RELN: variants seen among roughly 807,000 people sequenced by gnomAD.
The protein encoded by RELN is reelin.
RELN carries 108 observed loss-of-function variants against 427.6 expected under a neutral mutation model. The ratio of observed to expected loss-of-function variants is 0.25; its 90% CI spans 0.22 to 0.30. RELN has a LOEUF of 0.30. Ranked by LOEUF, RELN falls within the 10% of genes least tolerant of loss-of-function variation. RELN has a pLI of 1.00. For synonymous variants in RELN, 1,524 were observed against 1,513.4 expected (o/e 1.01, Z -0.16); for missense variants, 3,715 against 4,302.8 (o/e 0.86, Z 3.82).
chr7:103,987,174 C>T (rs968373509), intron 1 of RELN, among the ~76,000 whole-genome samples: 1 of 151,406 alleles, frequency 6.6e-6, no homozygotes, highest in Non-Finnish European at 1.5e-5. Context: ...TAAAATCTGA[C>T]ACAATTCTCA....
At position 103,630,060 on chromosome 7, in the gene RELN, A is replaced by G; in HGVS notation, c.2582T>C (p.Met861Thr). The stretch of plus-strand genomic sequence containing the variant: ...AATGCTGTTGAAAAGCACAGATGTC[A>G]TGATAATCTCATCAATAGCCCATAC... Reference protein sequence around the residue: ...EDVWAIDEIIMTSVLFNSISL... With the variant: ...EDVWAIDEIITTSVLFNSISL... Residue 861 changes from methionine (M) to threonine (T), a missense_variant, in exon 20 of 65, where the codon ATG (methionine) becomes ACG (threonine). Around this residue, in one of 4 missense-constraint regions of RELN, gnomAD observed 2,208 missense variants for 2,361.7 expected, o/e 0.93. Coordinates refer to ENST00000428762, the MANE Select transcript of RELN (RefSeq NM_005045.4). The G allele has an allele frequency of 6.2e-7, 1 of 1,613,278 alleles. No individual in the cohort carries two copies. The highest frequency in any genetic ancestry group is 8.5e-7 in the Non-Finnish European group (1 of 1,179,250).
At chr7:103,826,127 T>G (rs2116386434) in intron 3 of RELN, among the ~76,000 whole-genome samples, 1 of 151,546 alleles carries the variant, frequency 6.6e-6, no homozygotes, top group Non-Finnish European at 1.5e-5. Context: ...TCCTTTCTTC[T>G]TTCAGGTATG....
intron 6 of RELN, among the ~76,000 whole-genome samples, chr7:103,743,471 T>C (rs952405054): frequency 6.6e-6 from 1 of 152,044 alleles, no homozygotes; most frequent in African/African-American, 2.4e-5. Context: ...GACTGGCAAA[T>C]TGGATAAAGA....
chr7:103,510,877 T>G lies in RELN; in HGVS notation c.8248A>C (p.Thr2750Pro), dbSNP rs1168374024. Residue 2750 changes from threonine to proline, a missense_variant, in exon 51 of 65, where the codon ACT becomes CCT. By Grantham distance (38) the Thr-to-Pro change is conservative. Transcript: ENST00000428762. Reference protein sequence around the residue: ...VYAVTHDLTPTEGWIMQFKIS... With the variant: ...VYAVTHDLTPPEGWIMQFKIS... ...TTGAATTGCATAATCCAGCCTTCAGTGGGAGTCAGGTCATGGGTCACTGCA... is the reference window on the plus strand; with the variant it reads ...TTGAATTGCATAATCCAGCCTTCAGGGGGAGTCAGGTCATGGGTCACTGCA... The G allele has an allele frequency of 5.0e-6, 8 of 1,613,828 alleles. No homozygotes were observed. Among genetic ancestry groups the G allele is most frequent in the Non-Finnish European group, 6.8e-6 (8 of 1,179,768 alleles).
intron 34 of RELN, among the ~76,000 whole-genome samples, chr7:103,564,638 A>T (rs530689982): frequency 6.6e-6 from 1 of 151,940 alleles, no homozygotes; most frequent in African/African-American, 2.4e-5. Context: ...GAGGCTGGGA[A>T]ATGCAGCCTG....
rs972276499 is a variant in RELN, at chr7:103,719,430, T to C, written c.805+3710A>G. Among the ~76,000 whole-genome samples, 3 of 152,174 alleles carry C rather than the reference T, an allele frequency of 2.0e-5. 1 individual carries two copies. The highest frequency in any genetic ancestry group is 7.2e-5 in the African/African-American group (3 of 41,454). ...GACATATACACAGACCCACCCTGTT[T>C]ACAACAATGCCGTTTTCTAGAGATT... On this transcript the variant is annotated intron_variant, in intron 8 of 64. Coordinates refer to ENST00000428762, the MANE Select transcript of RELN (RefSeq NM_005045.4).
Position 103,773,321 on chromosome 7 carries a change from G to GTC in RELN, c.544+3234_544+3235dup, listed in dbSNP as rs201548521. 2.0e-4 allele frequency among the ~76,000 whole-genome samples: 4 copies of GTC among 19,862 alleles called. 1 individual carries two copies. The highest frequency in any genetic ancestry group is 3.3e-4 in the Non-Finnish European group (4 of 12,108). The allele number at this position is 19,862 out of a possible 152,430, so 13.0% of individuals were successfully genotyped here. A position where few individuals can be genotyped will look rare whatever the true frequency, so the allele number is the denominator to read the frequency against. ...TCTCTCTCCCTCCCTCGCTCCCTCC[G>GTC]TCTCTCTCTCTCCCTCGCTTCCTCT... On this transcript the variant is annotated intron_variant, in intron 4 of 64. Transcript: ENST00000428762.
At chr7:103,627,613 ACT>A (rs1266703042) in intron 20 of RELN, among the ~76,000 whole-genome samples, 1 of 152,124 alleles carries the variant, frequency 6.6e-6, no homozygotes, top group Non-Finnish European at 1.5e-5. Context: ...ACCAGGGTAT[ACT>A]CTCTGTTGTT....
intron 8 of RELN, among the ~76,000 whole-genome samples, chr7:103,702,721 T>G (rs1453386324): frequency 6.6e-6 from 1 of 152,204 alleles, no homozygotes; most frequent in Non-Finnish European, 1.5e-5. Context: ...TTTTGTTGAA[T>G]GCATCTCTTC....
intron 3 of RELN, among the ~76,000 whole-genome samples, chr7:103,818,326 A>G (rs981850679): frequency 6.6e-6 from 1 of 152,232 alleles, no homozygotes; most frequent in Non-Finnish European, 1.5e-5. Context: ...TTGAAATCCA[A>G]CAATGAAACA....
At chr7:103,689,349 A>T (rs1297255634) in intron 10 of RELN, among the ~76,000 whole-genome samples, 2 of 152,094 alleles carry the variant, frequency 1.3e-5, no homozygotes, top group Non-Finnish European at 2.9e-5. Flanking sequence ...TCTCATAGTG[A>T]TCTGCGTTTA....
At chr7:103,856,174 A>G (rs1793939078) in intron 2 of RELN, among the ~76,000 whole-genome samples, 1 of 152,202 alleles carries the variant, frequency 6.6e-6, no homozygotes, top group Non-Finnish European at 1.5e-5. Flanking sequence ...TGATTTTACC[A>G]TTCAAACTTG....
chr7:103,854,865 G>A (rs1793906704), intron 2 of RELN, among the ~76,000 whole-genome samples: 1 of 152,158 alleles, frequency 6.6e-6, no homozygotes, highest in Non-Finnish European at 1.5e-5. Flanking sequence ...GATGCCCTGA[G>A]GGCTGAAGAC....
intron 36 of RELN, among the ~76,000 whole-genome samples, chr7:103,559,812 C>T (rs73418595): frequency 0.024 from 3,615 of 152,162 alleles, 154 homozygotes; most frequent in African/African-American, 0.082. Context: ...TTCTTCAGAT[C>T]GTAATGAAAA....
At chr7:103,848,973 A>G (rs1258789254) in intron 2 of RELN, among the ~76,000 whole-genome samples, 2 of 152,152 alleles carry the variant, frequency 1.3e-5, no homozygotes, top group African/African-American at 2.4e-5. Flanking sequence ...AACAGCAGCA[A>G]AAGTTCCCCA....
At chr7:103,513,015 ATC>A (rs1562864021) in intron 50 of RELN, 1 of 151,960 alleles carries the variant, frequency 6.6e-6, no homozygotes, top group Non-Finnish European at 1.5e-5. Flanking sequence ...CAATTCCATT[ATC>A]TGTTTTTTTA....
intron 50 of RELN, chr7:103,513,526 C>T (rs901357184): frequency 2.0e-5 from 3 of 152,104 alleles, no homozygotes; most frequent in African/African-American, 7.2e-5. Context: ...TTTCAATAAC[C>T]TTCTTAAGAG....
chr7:103,562,721 A>G (rs1830669395), intron 34 of RELN, among the ~76,000 whole-genome samples: 1 of 152,208 alleles, frequency 6.6e-6, no homozygotes, highest in Non-Finnish European at 1.5e-5. Flanking sequence ...TTTCCCCTAC[A>G]CAAGTTCTCC....
At chr7:103,689,938 G>A (rs1039040238) in intron 10 of RELN, among the ~76,000 whole-genome samples, 3 of 152,038 alleles carry the variant, frequency 2.0e-5, no homozygotes, top group African/African-American at 7.2e-5. Flanking sequence ...AGATGACTTC[G>A]ATGGACTTGC....
Sources: allele counts gnomAD v4.1 joint callset (sites outside exome capture counted in the v4.1 genomes callset), GRCh38; gene constraint gnomAD v4.1.1; regional missense constraint gnomAD v4.1.1; transcripts MANE v1.5; gene names NCBI Gene and HGNC (gene_info 2026-07-23, HGNC 2026-07-21).